Variants in CSMD1 observed in about 807,000 individuals in gnomAD.
CSMD1 encodes the protein CUB and sushi domain-containing protein 1.
A neutral mutation model predicts 417.5 loss-of-function variants in CSMD1; 213 were observed. The ratio of observed to expected loss-of-function variants is 0.51; its 90% confidence interval spans 0.46 to 0.57. The LOEUF (loss-of-function observed/expected upper bound fraction) is 0.57, where lower values mean the gene tolerates loss of function less well. Among genes scored for constraint, CSMD1 ranks in the 20% least tolerant of loss-of-function variants. CSMD1 has a pLI of 0.00. For synonymous variants in CSMD1, 2,862 were observed against 1,736.8 expected (o/e 1.65, Z -16.11); for missense variants, 6,923 against 4,529.7 (o/e 1.53, Z -15.17).
chr8:4,606,770 T>C (rs1235074282), intron 2 of CSMD1, among the ~76,000 whole-genome samples: 2 of 152,198 alleles, frequency 1.3e-5, no homozygotes, highest in African/African-American at 4.8e-5. Flanking sequence ...TAGTAAATTT[T>C]CAAATTGACA....
At chr8:3,747,520 TTGTA>T (rs1797120398) in intron 6 of CSMD1, among the ~76,000 whole-genome samples, 3 of 152,188 alleles carry the variant, frequency 2.0e-5, no homozygotes, top group South Asian at 2.1e-4. Context: ...TCATGAAATA[TTGTA>T]TGTGAGAGTC....
At chr8:3,644,212 A>C (rs189718070) in intron 7 of CSMD1, among the ~76,000 whole-genome samples, 2 of 152,174 alleles carry the variant, frequency 1.3e-5, no homozygotes, top group East Asian at 3.9e-4. Flanking sequence ...TCAGAAATCT[A>C]TTTCAATAAA....
chr8:3,764,234 C>T (rs540511750), intron 5 of CSMD1, among the ~76,000 whole-genome samples: 7 of 152,290 alleles, frequency 4.6e-5, no homozygotes, highest in South Asian at 2.1e-4. Flanking sequence ...CTGCAAAGTA[C>T]GCTTCTCGCT....
In CSMD1 at chr8:3,223,293, C is replaced by T. The variant is rs78407443; in HGVS notation, c.4484+436G>A. ...TTTGGGGAAACTTTCATTTTCCAGGCTCTATTAAGTCTTAATTTTATAATG... is the reference window on the plus strand; with the variant it reads ...TTTGGGGAAACTTTCATTTTCCAGGTTCTATTAAGTCTTAATTTTATAATG... On this transcript the variant is annotated intron_variant, in intron 28 of 69. Coordinates refer to ENST00000635120, the MANE Select transcript of CSMD1 (RefSeq NM_033225.6). Among the ~76,000 whole-genome samples, 67 of 152,236 alleles carry T rather than the reference C, an allele frequency of 4.4e-4. No homozygotes were observed. In the East Asian group the frequency reaches 0.012, roughly 27 times the overall value.
chr8:4,098,108 A>G (rs943611832), intron 3 of CSMD1, among the ~76,000 whole-genome samples: 1 of 152,216 alleles, frequency 6.6e-6, no homozygotes, highest in Non-Finnish European at 1.5e-5. Flanking sequence ...AGGCTGAATT[A>G]AGATGATCTT....
Position 3,308,424 on chromosome 8 carries a change from G to A in CSMD1, c.3711C>T (p.Asp1237=), listed in dbSNP as rs1805058191. ...YRIRDEGHFT[D]TVVLYSCNPG... is the part of the protein sequence containing the mutation. ...GGTTGCAACTGTACAGAACTACAGTGTCGGTAAAGTGGCCTTCATCACGGA... is the reference window on the plus strand; with the variant it reads ...GGTTGCAACTGTACAGAACTACAGTATCGGTAAAGTGGCCTTCATCACGGA... Residue 1237 remains aspartate, a synonymous_variant, in exon 24 of 70, where the codon GAC becomes GAT. Transcript: ENST00000635120. 1.9e-6 allele frequency: 3 copies of A among 1,613,564 alleles called. No homozygotes were observed. The highest frequency in any genetic ancestry group is 1.3e-5 in the African/African-American group (1 of 74,908).
rs78359611 is a variant in CSMD1 at position 4,466,030 on chromosome 8, A to G, written c.303-45965T>C. On this transcript the variant is annotated intron_variant, in intron 2 of 69. Coordinates refer to ENST00000635120, the MANE Select transcript of CSMD1 (RefSeq NM_033225.6). The stretch of plus-strand genomic sequence containing the variant: ...ATGTGCAATCACATTTGGATTGACA[A>G]ATTACTTTTATTACCATCCAATGAT... Among the ~76,000 whole-genome samples, 70 of 152,356 alleles carry G rather than the reference A, an allele frequency of 4.6e-4. 2 individuals are homozygous for G. In the East Asian group the frequency reaches 0.013, roughly 28 times the overall value.
At chr8:3,686,185 G>A (rs548676240) in intron 7 of CSMD1, among the ~76,000 whole-genome samples, 2 of 152,072 alleles carry the variant, frequency 1.3e-5, no homozygotes, top group Non-Finnish European at 2.9e-5. Flanking sequence ...ATTAAGCTTG[G>A]GCTTGTTTCT....
intron 3 of CSMD1, among the ~76,000 whole-genome samples, chr8:4,347,146 GT>G (rs1281263906): frequency 1.3e-5 from 2 of 152,088 alleles, no homozygotes; most frequent in Non-Finnish European, 2.9e-5. Flanking sequence ...TTAGCACTTG[GT>G]GTGACAACTG....
intron 1 of CSMD1, among the ~76,000 whole-genome samples, chr8:4,699,060 A>T (rs1807331556): frequency 6.6e-6 from 1 of 152,090 alleles, no homozygotes; most frequent in African/African-American, 2.4e-5. Context: ...TTGGGAAAAA[A>T]TGTGCTTTGA....
chr8:4,528,341 G>A (rs1796625698), intron 2 of CSMD1, among the ~76,000 whole-genome samples: 1 of 152,114 alleles, frequency 6.6e-6, no homozygotes, highest in Non-Finnish European at 1.5e-5. Flanking sequence ...TAAAGAAGGT[G>A]GGATCCAGGA....
At chr8:3,622,235 C>T (rs1227333539) in intron 7 of CSMD1, among the ~76,000 whole-genome samples, 1 of 152,152 alleles carries the variant, frequency 6.6e-6, no homozygotes, top group Non-Finnish European at 1.5e-5. Context: ...TTCTTTCTGC[C>T]ATCACAGGCT....
intron 2 of CSMD1, among the ~76,000 whole-genome samples, chr8:4,626,481 G>A (rs537081724): frequency 2.6e-5 from 4 of 152,088 alleles, no homozygotes; most frequent in African/African-American, 4.8e-5. Context: ...TGCAACATTT[G>A]AGCTTGGGAA....
intron 3 of CSMD1, among the ~76,000 whole-genome samples, chr8:4,333,296 G>C (rs537463396): frequency 6.6e-6 from 1 of 152,096 alleles, no homozygotes; most frequent in African/African-American, 2.4e-5. Flanking sequence ...TGAAAGAAGC[G>C]TCTCAGATGC....
chr8:4,334,705 G>C (rs1800069495), intron 3 of CSMD1, among the ~76,000 whole-genome samples: 1 of 152,028 alleles, frequency 6.6e-6, no homozygotes, highest in African/African-American at 2.4e-5. Flanking sequence ...TTCTTACCAT[G>C]AAAAATAATT....
intron 12 of CSMD1, among the ~76,000 whole-genome samples, chr8:3,464,222 C>T (rs1257971595): frequency 6.6e-6 from 1 of 151,832 alleles, no homozygotes; most frequent in Non-Finnish European, 1.5e-5. Flanking sequence ...TTTTTTGTAA[C>T]CAAAAATGCT....
At chr8:4,006,412 T>C (rs1816117970) in intron 4 of CSMD1, among the ~76,000 whole-genome samples, 1 of 152,150 alleles carries the variant, frequency 6.6e-6, no homozygotes, top group South Asian at 2.1e-4. Flanking sequence ...GGTGTGGTGG[T>C]CCATGCCTGT....
chr8:4,209,687 C>CA (rs1403533312), intron 3 of CSMD1, among the ~76,000 whole-genome samples: 6 of 152,144 alleles, frequency 3.9e-5, no homozygotes, highest in Non-Finnish European at 8.8e-5. Flanking sequence ...AAGGGCAAGC[C>CA]AGTGGTGTCA....
intron 2 of CSMD1, among the ~76,000 whole-genome samples, chr8:4,598,236 T>A (rs928267390): frequency 2.0e-5 from 3 of 152,196 alleles, no homozygotes; most frequent in Non-Finnish European, 2.9e-5. Flanking sequence ...AGCTCTCCAA[T>A]CTAATTTATG....
Sources: allele counts gnomAD v4.1 joint callset (sites outside exome capture counted in the v4.1 genomes callset), GRCh38; gene constraint gnomAD v4.1.1; transcripts MANE v1.5; gene names NCBI Gene and HGNC (gene_info 2026-07-23, HGNC 2026-07-21).